Variants in CAMK2D observed in about 807,000 individuals in gnomAD.
CAMK2D encodes the protein calcium/calmodulin-dependent protein kinase type II subunit delta.
Under a neutral mutation model 84.0 loss-of-function variants are expected in CAMK2D, and 37 were observed. That is an observed-to-expected ratio of 0.44 (90% CI 0.34 to 0.58). CAMK2D has a LOEUF of 0.58. Among genes scored for constraint, CAMK2D ranks in the 20% least tolerant of loss-of-function variants. The pLI is 0.02. For missense variants in CAMK2D, 448 were observed against 652.5 expected, an observed-to-expected ratio of 0.69 and a Z score of 3.41; for synonymous variants, 202 against 212.5, an observed-to-expected ratio of 0.95 and a Z score of 0.43.
chr4:113,502,214 C>T (rs930679136), intron 15 of CAMK2D, among the ~76,000 whole-genome samples: 1 of 151,942 alleles, frequency 6.6e-6, no homozygotes, highest in Non-Finnish European at 1.5e-5. Flanking sequence ...GACATGTATG[C>T]TAGTGCTGTT....
intron 2 of CAMK2D, among the ~76,000 whole-genome samples, chr4:113,748,286 G>C (rs146956039): frequency 1.3e-5 from 2 of 150,790 alleles, no homozygotes; most frequent in African/African-American, 5.0e-5. Flanking sequence ...CCAGAACATG[G>C]TGAATAAGCA....
intron 4 of CAMK2D, among the ~76,000 whole-genome samples, chr4:113,556,624 C>T (rs949239168): frequency 2.6e-5 from 4 of 152,066 alleles, no homozygotes; most frequent in African/African-American, 4.8e-5. Context: ...GTTCTAGGTG[C>T]GGCAGAACTA....
intron 3 of CAMK2D, among the ~76,000 whole-genome samples, chr4:113,617,908 T>TCATACACACA (rs1554008457): frequency 1.3e-5 from 2 of 150,058 alleles, no homozygotes; most frequent in African/African-American, 4.9e-5. Flanking sequence ...TTTGCTTGGG[T>TCATACACACA]CATACACACA....
intron 2 of CAMK2D, among the ~76,000 whole-genome samples, chr4:113,747,425 C>T (rs1360851158): frequency 6.6e-6 from 1 of 150,900 alleles, no homozygotes; most frequent in Non-Finnish European, 1.5e-5. Context: ...TCATTTTATT[C>T]CTTTATGTTT....
chr4:113,692,990 C>T (rs940184119), intron 2 of CAMK2D, among the ~76,000 whole-genome samples: 3 of 152,004 alleles, frequency 2.0e-5, no homozygotes, highest in South Asian at 2.1e-4. Context: ...CTTTTACTTC[C>T]GTATTCAGGC....
At chr4:113,582,451 T>A (rs962970787) in intron 4 of CAMK2D, among the ~76,000 whole-genome samples, 1 of 152,230 alleles carries the variant, frequency 6.6e-6, no homozygotes, top group African/African-American at 2.4e-5. Flanking sequence ...ACACATATCG[T>A]CGTGTAACCA....
chr4:113,493,546 C>T (rs1319229763), intron 16 of CAMK2D, among the ~76,000 whole-genome samples: 1 of 152,074 alleles, frequency 6.6e-6, no homozygotes, highest in East Asian at 1.9e-4. Flanking sequence ...TTGAGGGTGA[C>T]CCGACCTTTC....
intron 2 of CAMK2D, among the ~76,000 whole-genome samples, chr4:113,716,403 A>T (rs950569705): frequency 3.9e-5 from 6 of 152,186 alleles, no homozygotes; most frequent in African/African-American, 1.4e-4. Flanking sequence ...AAATCCCAGC[A>T]CTTTGGGAGG....
At chr4:113,542,355 A>T (rs1346593648) in intron 6 of CAMK2D, among the ~76,000 whole-genome samples, 1 of 152,224 alleles carries the variant, frequency 6.6e-6, no homozygotes, top group Non-Finnish European at 1.5e-5. Context: ...AAAGTATAAT[A>T]CTTGTGATTT....
At chr4:113,604,975 C>T (rs1447917664) in intron 4 of CAMK2D, among the ~76,000 whole-genome samples, 1 of 152,152 alleles carries the variant, frequency 6.6e-6, no homozygotes, top group Admixed American at 6.5e-5. Flanking sequence ...ATATATCACG[C>T]CCAAATATGC....
chr4:113,496,797 C>T (rs940441036), intron 16 of CAMK2D, among the ~76,000 whole-genome samples: 4 of 135,434 alleles, frequency 3.0e-5, no homozygotes, highest in Admixed American at 7.5e-5. Flanking sequence ...ACTGAGTTTG[C>T]TGCTGAGTTT....
chr4:113,475,684 T>C lies in CAMK2D; in HGVS notation c.1136-10080A>G, dbSNP rs562178655. Among the ~76,000 whole-genome samples, 4 of 152,338 alleles carry C rather than the reference T, an allele frequency of 2.6e-5. No individual in the cohort carries two copies. In the South Asian group the frequency reaches 8.3e-4, roughly 32 times the overall value. On this transcript the variant is annotated intron_variant, in intron 16 of 20. Transcript: ENST00000511664. ...TTATCTTATTTTGACTCAAGAAGTC[T>C]CTTCTTCTGGAAGAGACTGTCCAGA...
At position 113,513,312 on chromosome 4, in the gene CAMK2D, T is replaced by C. The variant is rs767810196; in HGVS notation, c.946+16A>G. 1 of 1,612,312 alleles carries C rather than the reference T, an allele frequency of 6.2e-7. No individual in the cohort carries two copies. The highest frequency in any genetic ancestry group is 1.1e-5 in the South Asian group (1 of 90,944). ...GAAGACCAAGGGATAAGAAGCAGAG[T>C]TCCCAATGCATGTACCTGAGAAATT... On this transcript the variant is annotated intron_variant, in intron 12 of 20. Transcript: ENST00000511664.
In CAMK2D at chr4:113,454,374, G is replaced by A. The variant is rs1241360557; in HGVS notation, c.*171C>T. ...AGGAAGGAATATATGATAAGATGAT[G>A]CATCACATATGCATTACATGTAGGA... is the stretch of plus-strand genomic sequence containing the variant. On this transcript the variant is annotated 3_prime_UTR_variant, in exon 21 of 21. Transcript: ENST00000511664. 3.2e-6 allele frequency: 2 copies of A among 617,650 alleles called. No individual in the cohort carries two copies. Among genetic ancestry groups the A allele is most frequent in the Non-Finnish European group, 6.0e-6 (2 of 332,740 alleles). The allele number at this position is 617,650 out of a possible 1,614,324, so 38.3% of individuals were successfully genotyped here.
rs549752742 is a variant in CAMK2D, at chr4:113,454,184, A to G, written c.*361T>C. On this transcript the variant is annotated 3_prime_UTR_variant, in exon 21 of 21. Transcript: ENST00000511664. ...TTACAACTGTCATTCAGAGAACAATAGTTCTTAAGTCTGTTAAATCTTGGC... is the reference window on the plus strand; with the variant it reads ...TTACAACTGTCATTCAGAGAACAATGGTTCTTAAGTCTGTTAAATCTTGGC... 9.9e-6 allele frequency: 2 copies of G among 201,028 alleles called. No individual in the cohort carries two copies. Among genetic ancestry groups the G allele is most frequent in the South Asian group, 1.9e-4 (1 of 5,330 alleles). The allele number at this position is 201,028 out of a possible 1,614,324, so 12.5% of individuals were successfully genotyped here.
chr4:113,560,230 C>A (rs1483763340), intron 4 of CAMK2D, among the ~76,000 whole-genome samples: 1 of 149,244 alleles, frequency 6.7e-6, no homozygotes, highest in Non-Finnish European at 1.5e-5. Flanking sequence ...GTTCTCACAG[C>A]ATTTTTTTTT....
At chr4:113,756,873 A>T (rs532656372) in intron 2 of CAMK2D, among the ~76,000 whole-genome samples, 3 of 152,236 alleles carry the variant, frequency 2.0e-5, no homozygotes, top group African/African-American at 7.2e-5. Flanking sequence ...ATTCATTCAA[A>T]GGCACAAATA....
chr4:113,460,826 T>C (rs890495841), intron 17 of CAMK2D, among the ~76,000 whole-genome samples: 1 of 152,022 alleles, frequency 6.6e-6, no homozygotes, highest in African/African-American at 2.4e-5. Context: ...GCTGGGAGTA[T>C]TGGCGTACAG....
rs192214432 is a variant in CAMK2D, at chr4:113,566,103, G to T, written c.276-14007C>A. Among the ~76,000 whole-genome samples, 13 of 152,222 alleles carry T rather than the reference G, an allele frequency of 8.5e-5. No individual in the cohort carries two copies. In the East Asian group the frequency reaches 2.5e-3, roughly 29 times the overall value. On this transcript the variant is annotated intron_variant, in intron 4 of 20. Coordinates refer to ENST00000511664, the MANE Select transcript of CAMK2D (RefSeq NM_001321571.2). ...AATAGGAGAGTTTCATGCTAAAGGGGGAAGGCTGAAGAGAAGAAACGTCTC... is the reference window on the plus strand; with the variant it reads ...AATAGGAGAGTTTCATGCTAAAGGGTGAAGGCTGAAGAGAAGAAACGTCTC...
Sources: allele counts gnomAD v4.1 joint callset (sites outside exome capture counted in the v4.1 genomes callset), GRCh38; gene constraint gnomAD v4.1.1; transcripts MANE v1.5; gene names NCBI Gene and HGNC (gene_info 2026-07-23, HGNC 2026-07-21).